BPHL: variants seen among roughly 807,000 people sequenced by gnomAD.
BPHL encodes serine hydrolase BPHL.
Under a neutral mutation model 31.2 loss-of-function variants are expected in BPHL, and 27 were observed. The observed-to-expected ratio is 0.87, with a 90% CI of 0.64 to 1.19. The LOEUF (loss-of-function observed/expected upper bound fraction) is 1.19. Ranked by LOEUF, BPHL falls within the 50% of genes most tolerant of loss-of-function variation. The probability of loss-of-function intolerance (pLI) is 0.00; values close to 1 mark genes in which losing one functional copy is unlikely to be tolerated. For synonymous variants in BPHL, 150 were observed against 146.8 expected, an observed-to-expected ratio of 1.02 and a Z score of -0.16; for missense variants, 356 against 375.7, an observed-to-expected ratio of 0.95 and a Z score of 0.43.
At chr6:3,128,329 A>C (rs1761773686) in intron 3 of BPHL, among the ~76,000 whole-genome samples, 1 of 152,182 alleles carries the variant, frequency 6.6e-6, no homozygotes. Context: ...TTGCTAGGTG[A>C]TGGAAGTTCC....
chr6:3,139,486 C>A (rs1030656784), intron 5 of BPHL: 2 of 152,228 alleles, frequency 1.3e-5, no homozygotes, highest in Non-Finnish European at 2.9e-5. Context: ...AGCAGGTCCG[C>A]TTCTCACTTA....
chr6:3,140,281 G>A lies in BPHL; in HGVS notation c.665-105G>A, dbSNP rs898450303. 3.5e-6 allele frequency: 5 copies of A among 1,438,336 alleles called. No homozygotes were observed. The African/African-American group carries it at 7.1e-5, about 20-fold the overall frequency. 89.1% of individuals were successfully genotyped at this position (1,438,336 alleles called of 1,614,324 possible). On this transcript the variant is annotated intron_variant, in intron 5 of 6. Transcript: ENST00000380379. The surrounding 1 kb of genome is among the most constrained non-coding windows in gnomAD (Gnocchi z 5.2). ...ATCCAAAACACAGTTTTTACGGATA[G>A]GGAAACTGAGGGCCAAGGAGGGGCA...
chr6:3,125,703 G>A (rs1027481553), intron 2 of BPHL, among the ~76,000 whole-genome samples: 1 of 152,098 alleles, frequency 6.6e-6, no homozygotes, highest in African/African-American at 2.4e-5. Flanking sequence ...AAGCCTCATG[G>A]GTCACAGCAG....
chr6:3,125,204 C>G (rs1761682252), intron 2 of BPHL, among the ~76,000 whole-genome samples: 1 of 152,042 alleles, frequency 6.6e-6, no homozygotes, highest in Admixed American at 6.6e-5. Context: ...CACCACCATG[C>G]CTGGCTAATT....
rs151120581 is a variant in BPHL at position 3,126,992 on chromosome 6, A to T, written c.212-250A>T. Reference sequence around the variant, plus strand: ...CACCGTGTTGCCCAGGCCGGTCTCGAACTCCTGAGCTCAGGCAGTCCGCCC... The same window carrying T: ...CACCGTGTTGCCCAGGCCGGTCTCGTACTCCTGAGCTCAGGCAGTCCGCCC... On this transcript the variant is annotated intron_variant, in intron 2 of 6. Transcript: ENST00000380379. The T allele has an allele frequency of 5.7e-3, 1,666 of 293,024 alleles. 21 individuals are homozygous for T. Among genetic ancestry groups the T allele is most frequent in the African/African-American group, 0.041 (1,527 of 37,312 alleles). 18.2% of individuals were successfully genotyped at this position (293,024 alleles called of 1,614,324 possible).
At chr6:3,151,704 T>C (rs1271173781) in intron 6 of BPHL, among the ~76,000 whole-genome samples, 3 of 152,264 alleles carry the variant, frequency 2.0e-5, no homozygotes, top group Non-Finnish European at 4.4e-5. Context: ...CCACTTTTAC[T>C]GTTTCTATAC....
intron 4 of BPHL, among the ~76,000 whole-genome samples, chr6:3,132,031 T>C (rs867017188): frequency 6.6e-6 from 1 of 152,202 alleles, no homozygotes; most frequent in Non-Finnish European, 1.5e-5. Context: ...GTGCAGTTGC[T>C]CTGACTTTCC....
chr6:3,153,362 G>T lies in BPHL; in HGVS notation c.*787G>T. On this transcript the variant is annotated 3_prime_UTR_variant, in exon 7 of 7. Coordinates refer to ENST00000380379, the MANE Select transcript of BPHL (RefSeq NM_004332.4). ...GAGGTCCTCAATTCTAAGATCAGAG[G>T]ATGTCCAGAACAGCAGCAGATAGGG... The T allele has an allele frequency of 5.5e-6, 1 of 180,998 alleles. No homozygotes were observed. Among genetic ancestry groups the T allele is most frequent in the Non-Finnish European group, 1.2e-5 (1 of 84,796 alleles). 11.2% of individuals were successfully genotyped at this position (180,998 alleles called of 1,614,324 possible).
intron 6 of BPHL, among the ~76,000 whole-genome samples, chr6:3,151,333 ATAGTGT>A (rs1466618282): frequency 3.3e-5 from 5 of 152,162 alleles, no homozygotes; most frequent in Non-Finnish European, 5.9e-5. Flanking sequence ...TCTTTTCTGA[ATAGTGT>A]TAAAGTTGAA....
intron 6 of BPHL, among the ~76,000 whole-genome samples, chr6:3,148,057 T>G (rs1319396160): frequency 1.3e-5 from 2 of 152,224 alleles, no homozygotes; most frequent in African/African-American, 2.4e-5. Flanking sequence ...AGAAACACCC[T>G]CATGAACACA....
At chr6:3,137,580 A>T (rs1404780029) in intron 5 of BPHL, 87 bp downstream of exon 5, 7 of 1,555,292 alleles carry the variant, frequency 4.5e-6, no homozygotes, top group Non-Finnish European at 6.2e-6. Flanking sequence ...TCAGTGATTC[A>T]TGAATCTGCC....
At chr6:3,120,101 C>A (rs1204465197) in intron 1 of BPHL, among the ~76,000 whole-genome samples, 2 of 151,768 alleles carry the variant, frequency 1.3e-5, no homozygotes, top group African/African-American at 4.9e-5. Flanking sequence ...GTGTTGTGAT[C>A]TCGCTCACTG....
rs529469191 is a variant in BPHL at position 3,121,580 on chromosome 6, G to A, written c.108-2077G>A. ...GATCCACCCACCTGGGCCGCCCAAA[G>A]TATCGGGATTACAGGTGTGAGCCAC... On this transcript the variant is annotated intron_variant, in intron 1 of 6. Coordinates refer to ENST00000380379, the MANE Select transcript of BPHL (RefSeq NM_004332.4). Among the ~76,000 whole-genome samples the A allele has an allele frequency of 5.0e-4, 76 of 152,190 alleles. 1 individual carries two copies. Among genetic ancestry groups the A allele is most frequent in the Non-Finnish European group, 1.5e-4 (10 of 68,008 alleles).
intron 4 of BPHL, among the ~76,000 whole-genome samples, chr6:3,135,819 C>G (rs1762005599): frequency 6.6e-6 from 1 of 152,126 alleles, no homozygotes; most frequent in Non-Finnish European, 1.5e-5. Flanking sequence ...TGAAAATAAA[C>G]AAAGCAGTGA....
At chr6:3,128,924 C>T in intron 3 of BPHL, 121 bp from the exon 4 acceptor site, 1 of 1,460,516 alleles carries the variant, frequency 6.8e-7, no homozygotes, top group African/African-American at 1.4e-5. Context: ...TAGGGTTTTT[C>T]TTTTCTGACT....
intron 6 of BPHL, 150 bp from the exon 7 acceptor site, chr6:3,152,337 AT>A (rs1378759374): frequency 1.6e-6 from 1 of 632,244 alleles, no homozygotes; most frequent in Admixed American, 3.0e-5. Context: ...TTCTTAGGAG[AT>A]TGATGGGTTA....
At chr6:3,122,795 G>A (rs907019306) in intron 1 of BPHL, among the ~76,000 whole-genome samples, 9 of 152,196 alleles carry the variant, frequency 5.9e-5, no homozygotes, top group African/African-American at 1.4e-4. Context: ...GTGCAGATGG[G>A]CACTGTTGAC....
chr6:3,123,415 A>G (rs1384375377), intron 1 of BPHL, among the ~76,000 whole-genome samples: 1 of 152,224 alleles, frequency 6.6e-6, no homozygotes, highest in Non-Finnish European at 1.5e-5. Context: ...TACAAGGTGT[A>G]GTGATCAGAT....
intron 3 of BPHL, 53 bp downstream of exon 3, chr6:3,127,461 A>T (rs758121949): frequency 4.6e-5 from 64 of 1,398,920 alleles, no homozygotes; most frequent in Admixed American, 7.0e-5. Flanking sequence ...GCCTGTCTTC[A>T]TTTATTTTGT....
Sources: gnomAD v4.1 joint callset for allele counts (sites outside exome capture counted in the v4.1 genomes callset) on GRCh38, gnomAD v4.1.1 for gene constraint, Gnocchi (gnomAD v3.1) non-coding constraint, MANE v1.5 for transcripts, NCBI Gene and HGNC (gene_info 2026-07-23, HGNC 2026-07-21) for gene names.